Variants in PTCHD4 observed in about 807,000 individuals in gnomAD.
PTCHD4 encodes patched domain-containing protein 4.
Under a neutral mutation model 58.1 loss-of-function variants are expected in PTCHD4, and 33 were observed. The observed-to-expected ratio is 0.57, with a 90% CI of 0.43 to 0.76. PTCHD4 has a LOEUF of 0.76. Among genes scored for constraint, PTCHD4 ranks in the 30% least tolerant of loss-of-function variants. The probability of loss-of-function intolerance (pLI) is 0.00; values close to 1 mark genes in which losing one functional copy is unlikely to be tolerated. For synonymous variants in PTCHD4, 478 were observed against 409.6 expected, an observed-to-expected ratio of 1.17 and a Z score of -2.02; for missense variants, 1,058 against 1,027.1, an observed-to-expected ratio of 1.03 and a Z score of -0.41.
At chr6:47,884,807 C>A (rs1035617686) in intron 4 of PTCHD4, among the ~76,000 whole-genome samples, 3 of 152,134 alleles carry the variant, frequency 2.0e-5, no homozygotes, top group African/African-American at 7.2e-5. Context: ...GCTGATTCTT[C>A]CTGAGGGATC....
chr6:48,037,904 T>TA (rs200442793), intron 3 of PTCHD4, among the ~76,000 whole-genome samples: 28,862 of 93,428 alleles, frequency 0.31, 2,901 homozygotes, highest in South Asian at 0.35. Flanking sequence ...ATGCTAAAAG[T>TA]AAAAAAAAAA....
chr6:47,898,973 T>A (rs1764613407), intron 4 of PTCHD4, among the ~76,000 whole-genome samples: 1 of 152,158 alleles, frequency 6.6e-6, no homozygotes, highest in South Asian at 2.1e-4. Context: ...AGTGATTGGT[T>A]TTCATGAAGA....
chr6:48,032,408 C>T (rs569952153), intron 3 of PTCHD4, among the ~76,000 whole-genome samples: 109 of 152,030 alleles, frequency 7.2e-4, no homozygotes, highest in Non-Finnish European at 1.2e-3. Context: ...CTCTCTCTCC[C>T]TCTCTCTGTG....
chr6:48,023,040 G>T (rs1278746336), intron 3 of PTCHD4, among the ~76,000 whole-genome samples: 2 of 152,106 alleles, frequency 1.3e-5, no homozygotes, highest in Non-Finnish European at 2.9e-5. Context: ...TAAATATGTT[G>T]TAAGCAAGGA....
intron 4 of PTCHD4, among the ~76,000 whole-genome samples, chr6:47,888,330 C>A (rs1280539846): frequency 6.6e-6 from 1 of 152,042 alleles, no homozygotes; most frequent in Non-Finnish European, 1.5e-5. Flanking sequence ...GCACTCCAGC[C>A]TGGGCGACAG....
chr6:47,904,756 A>T (rs1274344161), intron 4 of PTCHD4, among the ~76,000 whole-genome samples: 2 of 152,234 alleles, frequency 1.3e-5, no homozygotes, highest in East Asian at 3.8e-4. Context: ...ATATTCTTTG[A>T]AAACATTTAG....
chr6:48,079,970 A>ATTTTTTTTTTTTTTTTTT (rs141629864), intron 1 of PTCHD4, among the ~76,000 whole-genome samples: 1 of 76,146 alleles, frequency 1.3e-5, no homozygotes, highest in South Asian at 4.8e-4. Flanking sequence ...CCTTATGATG[A>ATTTTTTTTTTTTTTTTTT]TTTTTTTTTT....
intron 4 of PTCHD4, among the ~76,000 whole-genome samples, chr6:47,914,756 C>G (rs1488575636): frequency 6.8e-6 from 1 of 147,030 alleles, no homozygotes. Flanking sequence ...ATCTATCTAT[C>G]TATCTATCTA....
At chr6:47,897,028 T>C (rs1274739602) in intron 4 of PTCHD4, among the ~76,000 whole-genome samples, 1 of 152,172 alleles carries the variant, frequency 6.6e-6, no homozygotes, top group African/African-American at 2.4e-5. Flanking sequence ...GTTTTTTTTG[T>C]AAAATTGAGG....
At position 47,863,456 on chromosome 6, in the gene PTCHD4, TC is replaced by T. The variant is rs142720245; in HGVS notation, c.*14846del. 1.1e-3 allele frequency among the ~76,000 whole-genome samples: 167 copies of T among 152,110 alleles called. 1 individual carries two copies. Among genetic ancestry groups the T allele is most frequent in the African/African-American group, 3.8e-3 (159 of 41,536 alleles). ...GTGTTTCAGCCTCATTATTTCTGGT[TC>T]TTTTCTCCACCTGACACATACCCTA... On this transcript the variant is annotated 3_prime_UTR_variant, in exon 5 of 5. Transcript: ENST00000339488.
intron 1 of PTCHD4, among the ~76,000 whole-genome samples, chr6:48,072,195 C>T (rs568997928): frequency 2.3e-4 from 35 of 152,198 alleles, no homozygotes; most frequent in Non-Finnish European, 3.1e-4. Flanking sequence ...AGGTTGGAGT[C>T]CGTAATTTGC....
chr6:47,984,802 G>A (rs1297882390), intron 4 of PTCHD4, among the ~76,000 whole-genome samples: 2 of 151,932 alleles, frequency 1.3e-5, no homozygotes, highest in East Asian at 1.9e-4. Flanking sequence ...TTGCACTTAT[G>A]ATCTAAAATA....
rs1291998753 is a variant in PTCHD4 at position 47,868,169 on chromosome 6, T to TA, written c.*10133dup. 6.6e-6 allele frequency among the ~76,000 whole-genome samples: 1 copy of TA among 151,734 alleles called. No homozygotes were observed. Among genetic ancestry groups the TA allele is most frequent in the Non-Finnish European group, 1.5e-5 (1 of 67,800 alleles). On this transcript the variant is annotated 3_prime_UTR_variant, in exon 5 of 5. Coordinates refer to ENST00000339488, the MANE Select transcript of PTCHD4 (RefSeq NM_001384253.1). ...TTCTTCAACAGTTTTAGATCCGTTT[T>TA]AAAATTTTTTCTCACTTTACCTTTT...
At chr6:47,936,542 A>T (rs140295614) in intron 4 of PTCHD4, among the ~76,000 whole-genome samples, 1 of 152,220 alleles carries the variant, frequency 6.6e-6, no homozygotes, top group Non-Finnish European at 1.5e-5. Context: ...GTAATGGCAA[A>T]TCCAGAATTT....
At chr6:48,093,828 G>A (rs558929276) in intron 1 of PTCHD4, among the ~76,000 whole-genome samples, 1 of 152,258 alleles carries the variant, frequency 6.6e-6, no homozygotes, top group African/African-American at 2.4e-5. Flanking sequence ...CACCATGGAA[G>A]CTTTTACATC....
At position 47,953,106 on chromosome 6, in the gene PTCHD4, A is replaced by G. The variant is rs187510879; in HGVS notation, c.898+55528T>C. Among the ~76,000 whole-genome samples the G allele has an allele frequency of 2.0e-3, 298 of 152,064 alleles. 5 individuals carry two copies. The highest frequency in any genetic ancestry group is 2.9e-4 in the Non-Finnish European group (20 of 67,932). Reference sequence around the variant, plus strand: ...GATGATGATGATGACGACACTATAAATGACAGAATGTACCCTCTAGAACAA... The same window carrying G: ...GATGATGATGATGACGACACTATAAGTGACAGAATGTACCCTCTAGAACAA... On this transcript the variant is annotated intron_variant, in intron 4 of 4. Coordinates refer to ENST00000339488, the MANE Select transcript of PTCHD4 (RefSeq NM_001384253.1).
chr6:47,944,994 A>G (rs1256192153), intron 4 of PTCHD4, among the ~76,000 whole-genome samples: 2 of 152,130 alleles, frequency 1.3e-5, no homozygotes, highest in East Asian at 3.8e-4. Flanking sequence ...AGAAGAAATC[A>G]TCAGTATAAG....
intron 1 of PTCHD4, among the ~76,000 whole-genome samples, chr6:48,082,069 A>G (rs543080244): frequency 2.6e-5 from 4 of 152,272 alleles, no homozygotes; most frequent in Admixed American, 1.3e-4. Context: ...CTTTTTAAGA[A>G]TAACTGTCTA....
rs1328976 is a variant in PTCHD4 at position 47,869,910 on chromosome 6, T to C, written c.*8393A>G. 0.67 allele frequency among the ~76,000 whole-genome samples: 100,910 copies of C among 151,398 alleles called. 34,127 individuals are homozygous for C. Among genetic ancestry groups the C allele is most frequent in the East Asian group, 0.78 (4,006 of 5,118 alleles). On this transcript the variant is annotated 3_prime_UTR_variant, in exon 5 of 5. Transcript: ENST00000339488. The stretch of plus-strand genomic sequence containing the variant: ...GGTTAGAGGAATAAGTTGCATATTA[T>C]AATATTCTGTGGGGCATTTAATACT...
Sources: allele counts gnomAD v4.1 joint callset (sites outside exome capture counted in the v4.1 genomes callset), GRCh38; gene constraint gnomAD v4.1.1; transcripts MANE v1.5; gene names NCBI Gene and HGNC (gene_info 2026-07-23, HGNC 2026-07-21).